Variants in PARD3 observed in about 807,000 individuals in gnomAD.
The protein encoded by PARD3 is partitioning defective 3 homolog.
In PARD3, 75 loss-of-function variants were observed where a neutral mutation model predicts 155.4. The observed-to-expected ratio is 0.48, with a 90% CI of 0.40 to 0.58. The LOEUF (loss-of-function observed/expected upper bound fraction) is 0.58. Ranked by LOEUF, PARD3 falls within the 20% of genes least tolerant of loss-of-function variation. PARD3 has a pLI of 0.00. For missense variants in PARD3, 1,642 were observed against 1,721.7 expected (o/e 0.95, Z 0.82); for synonymous variants, 576 against 610.5 (o/e 0.94, Z 0.83).
chr10:34,120,004 ATTTTTTTT>A (rs1185067110), intron 23 of PARD3, among the ~76,000 whole-genome samples: 191 of 73,818 alleles, frequency 2.6e-3, no homozygotes, highest in African/African-American at 0.011. Flanking sequence ...GTCTTCTTTA[ATTTTTTTT>A]TTTTTTTTTT....
intron 2 of PARD3, among the ~76,000 whole-genome samples, chr10:34,621,521 C>G (rs1345524858): frequency 6.6e-6 from 1 of 152,056 alleles, no homozygotes; most frequent in African/African-American, 2.4e-5. Flanking sequence ...AACACTGGAA[C>G]ATGACGTATT....
At chr10:34,646,066 A>G (rs2092828703) in intron 2 of PARD3, among the ~76,000 whole-genome samples, 1 of 152,238 alleles carries the variant, frequency 6.6e-6, no homozygotes, top group Non-Finnish European at 1.5e-5. Context: ...GTCACAAAAT[A>G]GCATTCTTCA....
At chr10:34,275,302 G>A (rs890728875) in intron 21 of PARD3, among the ~76,000 whole-genome samples, 1 of 152,162 alleles carries the variant, frequency 6.6e-6, no homozygotes, top group African/African-American at 2.4e-5. Flanking sequence ...GCTTACACTG[G>A]TGGTGAAAAC....
intron 1 of PARD3, among the ~76,000 whole-genome samples, chr10:34,779,512 T>C (rs1840004735): frequency 6.6e-6 from 1 of 151,114 alleles, no homozygotes; most frequent in Non-Finnish European, 1.5e-5. Flanking sequence ...TCCTAACTAC[T>C]CGGGAGGCTG....
At chr10:34,747,239 A>G (rs1032659169) in intron 1 of PARD3, among the ~76,000 whole-genome samples, 2 of 152,096 alleles carry the variant, frequency 1.3e-5, no homozygotes, top group East Asian at 1.9e-4. Flanking sequence ...GGAATTAGGA[A>G]TATCATTTGA....
intron 5 of PARD3, among the ~76,000 whole-genome samples, chr10:34,432,446 A>G (rs999570672): frequency 1.3e-5 from 2 of 152,052 alleles, no homozygotes; most frequent in Non-Finnish European, 2.9e-5. Flanking sequence ...GAAGATAATA[A>G]GAGAGTAAGT....
At chr10:34,606,875 G>A (rs555380766) in intron 2 of PARD3, among the ~76,000 whole-genome samples, 18 of 150,780 alleles carry the variant, frequency 1.2e-4, no homozygotes, top group African/African-American at 3.9e-4. Context: ...GCTGAGGCAG[G>A]AGAATCGCTT....
chr10:34,793,948 G>T (rs992853197), intron 1 of PARD3, among the ~76,000 whole-genome samples: 1 of 152,100 alleles, frequency 6.6e-6, no homozygotes, highest in Non-Finnish European at 1.5e-5. Context: ...AAGAAAAATG[G>T]AATGTATTTA....
intron 22 of PARD3, among the ~76,000 whole-genome samples, chr10:34,135,638 G>C (rs926034554): frequency 4.6e-5 from 7 of 152,124 alleles, no homozygotes; most frequent in African/African-American, 1.7e-4. Flanking sequence ...TATCTGCAGG[G>C]AATCACTGAA....
chr10:34,204,924 C>T (rs560433430), intron 22 of PARD3, among the ~76,000 whole-genome samples: 3 of 152,218 alleles, frequency 2.0e-5, no homozygotes, highest in Admixed American at 1.3e-4. Flanking sequence ...TTAAAGAACT[C>T]CAATAAAACT....
intron 13 of PARD3, among the ~76,000 whole-genome samples, chr10:34,359,763 G>A (rs1251302027): frequency 6.6e-6 from 1 of 152,094 alleles, no homozygotes; most frequent in East Asian, 1.9e-4. Context: ...GGAGGGGAGG[G>A]GAAAGATTAA....
At chr10:34,189,614 A>G (rs1252830106) in intron 22 of PARD3, among the ~76,000 whole-genome samples, 1 of 152,198 alleles carries the variant, frequency 6.6e-6, no homozygotes, top group Non-Finnish European at 1.5e-5. Context: ...TATCTTTTAA[A>G]TAGTCTGTTA....
chr10:34,635,531 T>C (rs1052296699), intron 2 of PARD3, among the ~76,000 whole-genome samples: 4 of 152,102 alleles, frequency 2.6e-5, no homozygotes, highest in Admixed American at 6.5e-5. Context: ...CTAAGGGAGA[T>C]AGTAAAGCAC....
At chr10:34,613,057 T>C (rs1013566239) in intron 2 of PARD3, among the ~76,000 whole-genome samples, 5 of 152,164 alleles carry the variant, frequency 3.3e-5, no homozygotes, top group African/African-American at 1.2e-4. Context: ...TATTAATAAA[T>C]ATTTCTACCT....
intron 2 of PARD3, among the ~76,000 whole-genome samples, chr10:34,586,268 G>A (rs1453611398): frequency 2.0e-5 from 3 of 152,126 alleles, no homozygotes; most frequent in African/African-American, 4.8e-5. Context: ...CTTGATTAAA[G>A]GAATTCAGGA....
intron 2 of PARD3, among the ~76,000 whole-genome samples, chr10:34,559,212 T>C (rs992432368): frequency 6.6e-6 from 1 of 152,164 alleles, no homozygotes; most frequent in Admixed American, 6.5e-5. Flanking sequence ...CTCAATTTGA[T>C]TGAATTGATC....
chr10:34,618,559 A>G (rs2091422164), intron 2 of PARD3, among the ~76,000 whole-genome samples: 1 of 152,126 alleles, frequency 6.6e-6, no homozygotes. Flanking sequence ...CTATCAATTC[A>G]TTTTAAAAAA....
chr10:34,634,950 C>G (rs2092413951), intron 2 of PARD3, among the ~76,000 whole-genome samples: 2 of 152,196 alleles, frequency 1.3e-5, no homozygotes, highest in African/African-American at 2.4e-5. Flanking sequence ...GTCCAGGGCA[C>G]AGTGGTGCTT....
intron 20 of PARD3, among the ~76,000 whole-genome samples, chr10:34,290,093 T>C (rs1040980371): frequency 6.6e-6 from 1 of 152,206 alleles, no homozygotes; most frequent in African/African-American, 2.4e-5. Flanking sequence ...ACTATTTAAA[T>C]AGTAATATTT....
Sources: allele counts gnomAD v4.1 joint callset (sites outside exome capture counted in the v4.1 genomes callset), GRCh38; gene constraint gnomAD v4.1.1; transcripts MANE v1.5; gene names NCBI Gene and HGNC (gene_info 2026-07-23, HGNC 2026-07-21).